RAC1: variants seen among roughly 807,000 people sequenced by gnomAD.
The protein encoded by RAC1 is Rac family small GTPase 1.
RAC1 carries 2 observed loss-of-function variants against 25.2 expected under a neutral mutation model. That is an observed-to-expected ratio of 0.08 (90% confidence interval 0.03 to 0.25). The LOEUF (loss-of-function observed/expected upper bound fraction) is 0.25, where lower values mean the gene tolerates loss of function less well. RAC1 is among the 10% of genes least tolerant of loss of function. The pLI is 1.00. For synonymous variants in RAC1, 88 were observed against 94.0 expected, an observed-to-expected ratio of 0.94 and a Z score of 0.37; for missense variants, 50 against 235.7, an observed-to-expected ratio of 0.21 and a Z score of 5.16.
chr7:6,402,577 A>G lies in RAC1; in HGVS notation c.*131A>G, dbSNP rs1783446558. ...TCGCACTCAATGCCAACTTTTTGTTACAGATTAATTTTTCCATAAAACCAT... is the reference window on the plus strand; with the variant it reads ...TCGCACTCAATGCCAACTTTTTGTTGCAGATTAATTTTTCCATAAAACCAT... On this transcript the variant is annotated 3_prime_UTR_variant, in exon 6 of 6. Transcript: ENST00000348035. 2.2e-6 allele frequency: 2 copies of G among 906,478 alleles called. No individual in the cohort carries two copies. The highest frequency in any genetic ancestry group is 3.3e-5 in the East Asian group (1 of 30,234). The allele number at this position is 906,478 out of a possible 1,614,324, so 56.2% of individuals were successfully genotyped here.
At position 6,376,486 on chromosome 7, in the gene RAC1, AT is replaced by A. The variant is rs544818669; in HGVS notation, c.35+1730del. On this transcript the variant is annotated intron_variant, in intron 1 of 5. Coordinates refer to ENST00000348035, the MANE Select transcript of RAC1 (RefSeq NM_006908.5). ...GGCGTAAGCCACGGCGCCCGGCCCA[AT>A]TTTTTTTTTTTTTCTTTTCTTTTTT... 7.3e-3 allele frequency among the ~76,000 whole-genome samples: 896 copies of A among 122,866 alleles called. 5 individuals carry two copies. The highest frequency in any genetic ancestry group is 0.012 in the African/African-American group (382 of 32,380). 80.6% of individuals were successfully genotyped at this position (122,866 alleles called of 152,430 possible).
chr7:6,401,636 G>C (rs934028757), intron 4 of RAC1: 3 of 346,850 alleles, frequency 8.6e-6, no homozygotes, highest in East Asian at 9.6e-5. Context: ...CGTTCTGTCC[G>C]GTCGTGGTTC....
Position 6,374,648 on chromosome 7 carries a change from A to C in RAC1, c.-88A>C. ...GGCACCCAGCGCCCCGCCGCCCGCA[A>C]GCCGCGCGCCCGTCCGCCGCGCCCC... On this transcript the variant is annotated 5_prime_UTR_variant, in exon 1 of 6. Transcript: ENST00000348035. The C allele has an allele frequency of 1.1e-6, 1 of 940,668 alleles. No individual in the cohort carries two copies. The highest frequency in any genetic ancestry group is 7.8e-5 in the East Asian group (1 of 12,770). The allele number at this position is 940,668 out of a possible 1,614,324, so 58.3% of individuals were successfully genotyped here. A position where few individuals can be genotyped will look rare whatever the true frequency, so the allele number is the denominator to read the frequency against.
intron 1 of RAC1, among the ~76,000 whole-genome samples, chr7:6,379,613 T>A (rs1456145887): frequency 6.6e-6 from 1 of 152,222 alleles, no homozygotes; most frequent in Non-Finnish European, 1.5e-5. Flanking sequence ...TTTCACCATG[T>A]TGACCAGGTT....
At chr7:6,393,322 A>C (rs1783141304) in intron 3 of RAC1, among the ~76,000 whole-genome samples, 1 of 152,232 alleles carries the variant, frequency 6.6e-6, no homozygotes, top group South Asian at 2.1e-4. Flanking sequence ...ATGTTTAATA[A>C]TTCAGATTGT....
In RAC1 at chr7:6,385,326, T is replaced by C. The variant is rs541441438; in HGVS notation, c.36-1886T>C. On this transcript the variant is annotated intron_variant, in intron 1 of 5. Coordinates refer to ENST00000348035, the MANE Select transcript of RAC1 (RefSeq NM_006908.5). ...AGCACACGGTTGATATAAATTGAAA[T>C]TGAATTAATGCTCACAGTAGTTTGG... is the stretch of plus-strand genomic sequence containing the variant. Among the ~76,000 whole-genome samples the C allele has an allele frequency of 4.6e-5, 7 of 152,298 alleles. No individual in the cohort carries two copies. In the South Asian group the frequency reaches 1.2e-3, roughly 27 times the overall value.
intron 1 of RAC1, among the ~76,000 whole-genome samples, chr7:6,382,995 C>T (rs534004103): frequency 3.3e-5 from 5 of 152,222 alleles, no homozygotes; most frequent in Non-Finnish European, 7.3e-5. Context: ...ATTGTAGCAT[C>T]ATGAGCTAGG....
chr7:6,377,784 A>G (rs1782648969), intron 1 of RAC1, among the ~76,000 whole-genome samples: 1 of 151,902 alleles, frequency 6.6e-6, no homozygotes, highest in South Asian at 2.1e-4. Flanking sequence ...GCACGCCTGT[A>G]ATCCTAGCTA....
intron 2 of RAC1, chr7:6,391,705 T>G: frequency 1.8e-5 from 10 of 543,632 alleles, no homozygotes; most frequent in Non-Finnish European, 2.8e-5. Flanking sequence ...AGCTTGTTGT[T>G]TGTTTCTTTC....
chr7:6,398,607 T>C (rs1783313374), intron 3 of RAC1: 2 of 1,480,664 alleles, frequency 1.4e-6, no homozygotes, highest in African/African-American at 1.4e-5. Context: ...GTTATATTGA[T>C]TTTTGTTGTC....
At chr7:6,395,625 T>C (rs1783215095) in intron 3 of RAC1, among the ~76,000 whole-genome samples, 1 of 152,208 alleles carries the variant, frequency 6.6e-6, no homozygotes, top group Non-Finnish European at 1.5e-5. Context: ...CTTTTGGTCC[T>C]ATTTCAGCAC....
intron 1 of RAC1, among the ~76,000 whole-genome samples, chr7:6,381,355 A>G (rs1309836969): frequency 6.7e-6 from 1 of 148,848 alleles, no homozygotes; most frequent in Non-Finnish European, 1.5e-5. Context: ...GCACTATCTT[A>G]ATTTTTTGAA....
chr7:6,403,683 A>G lies in RAC1; in HGVS notation c.*1237A>G, dbSNP rs959728138. ...GATTACCGACACTGTCACTTGACCAATACTGACCCTCTTTACCTCGCCCAC... is the reference window on the plus strand; with the variant it reads ...GATTACCGACACTGTCACTTGACCAGTACTGACCCTCTTTACCTCGCCCAC... On this transcript the variant is annotated 3_prime_UTR_variant, in exon 6 of 6. Coordinates refer to ENST00000348035, the MANE Select transcript of RAC1 (RefSeq NM_006908.5). 3.4e-5 allele frequency: 7 copies of G among 207,590 alleles called. No individual in the cohort carries two copies. The highest frequency in any genetic ancestry group is 1.4e-4 in the African/African-American group (6 of 43,866). The allele number at this position is 207,590 out of a possible 1,614,324, so 12.9% of individuals were successfully genotyped here. A position where few individuals can be genotyped will look rare whatever the true frequency, so the allele number is the denominator to read the frequency against.
chr7:6,400,003 A>G, intron 3 of RAC1, 123 bp from the exon 4 acceptor site: 1 of 878,382 alleles, frequency 1.1e-6, no homozygotes, highest in East Asian at 2.4e-5. Flanking sequence ...GAAGCGTCTG[A>G]CCACACCACT....
chr7:6,375,902 G>C (rs776336671), intron 1 of RAC1: 4 of 152,010 alleles, frequency 2.6e-5, no homozygotes, highest in Non-Finnish European at 5.9e-5. Flanking sequence ...GCGCGTCTCA[G>C]CGTTGCTTGT....
rs1783425260 is a variant in RAC1, at chr7:6,402,312, G to A, written c.449-4G>A. 6.2e-7 allele frequency: 1 copy of A among 1,604,074 alleles called. No individual in the cohort carries two copies. The highest frequency in any genetic ancestry group is 8.5e-7 in the Non-Finnish European group (1 of 1,175,582). On this transcript the variant is annotated splice_region_variant and splice_polypyrimidine_tract_variant and intron_variant, in intron 5 of 5. Transcript: ENST00000348035. Reference sequence around the variant, plus strand: ...ACATTGCCGTGTGGTCGTGTTTCCTGTAGGTGCTGTAAAATACCTGGAGTG... The same window carrying A: ...ACATTGCCGTGTGGTCGTGTTTCCTATAGGTGCTGTAAAATACCTGGAGTG...
At chr7:6,396,517 C>T (rs949206942) in intron 3 of RAC1, among the ~76,000 whole-genome samples, 1 of 152,108 alleles carries the variant, frequency 6.6e-6, no homozygotes, top group Non-Finnish European at 1.5e-5. Flanking sequence ...TGTGTCTCTT[C>T]TCCATCAAAA....
intron 3 of RAC1, among the ~76,000 whole-genome samples, chr7:6,397,713 A>G (rs962144630): frequency 6.6e-6 from 1 of 152,146 alleles, no homozygotes; most frequent in African/African-American, 2.4e-5. Flanking sequence ...CATGGCTGAA[A>G]GTGGTGGCTC....
chr7:6,392,752 C>G (rs1362022947), intron 3 of RAC1, among the ~76,000 whole-genome samples: 2 of 152,130 alleles, frequency 1.3e-5, no homozygotes, highest in Admixed American at 6.5e-5. Context: ...CATGTTTGTT[C>G]TTCATTTTTA....
Sources: gnomAD v4.1 joint callset for allele counts (sites outside exome capture counted in the v4.1 genomes callset) on GRCh38, gnomAD v4.1.1 for gene constraint, MANE v1.5 for transcripts, NCBI Gene and HGNC (gene_info 2026-07-23, HGNC 2026-07-21) for gene names.